Variants in ARHGAP32 observed in about 807,000 individuals in gnomAD.
ARHGAP32 encodes the protein Rho GTPase activating protein 32.
Under a neutral mutation model 186.5 loss-of-function variants are expected in ARHGAP32, and 51 were observed. The observed-to-expected ratio is 0.27, with a 90% CI of 0.22 to 0.35. The LOEUF (loss-of-function observed/expected upper bound fraction) is 0.35, where lower values mean the gene tolerates loss of function less well. Among genes scored for constraint, ARHGAP32 ranks in the 10% least tolerant of loss-of-function variants. The pLI is 1.00. For missense variants in ARHGAP32, 2,186 were observed against 2,623.5 expected (o/e 0.83, Z 3.64); for synonymous variants, 950 against 964.3 (o/e 0.99, Z 0.27).
chr11:128,985,946 A>AT (rs1945860654), intron 15 of ARHGAP32, 57 bp downstream of exon 15: 7 of 1,288,776 alleles, frequency 5.4e-6, no homozygotes, highest in Admixed American at 2.9e-5. Context: ...GGAAAAAAAA[A>AT]CGTTTACAGG....
At chr11:128,998,974 G>A (rs972433399) in intron 11 of ARHGAP32, among the ~76,000 whole-genome samples, 1 of 152,144 alleles carries the variant, frequency 6.6e-6, no homozygotes, top group Non-Finnish European at 1.5e-5. Flanking sequence ...TGCACAAATT[G>A]TTTGTAAAAC....
chr11:129,164,469 T>G, intron 1 of ARHGAP32, 42 bp from the exon 2 acceptor site: 1 of 1,182,898 alleles, frequency 8.5e-7, no homozygotes, highest in Non-Finnish European at 1.2e-6. Context: ...GAATTTCCAA[T>G]TCTATGAAAG....
intron 2 of ARHGAP32, among the ~76,000 whole-genome samples, chr11:129,159,587 A>G (rs1354000880): frequency 8.6e-5 from 13 of 151,968 alleles, no homozygotes; most frequent in Non-Finnish European, 1.5e-4. Flanking sequence ...TAGCCTACCT[A>G]CCAAAAAAAA....
At chr11:129,085,796 A>G (rs1309206880) in intron 6 of ARHGAP32, among the ~76,000 whole-genome samples, 2 of 152,066 alleles carry the variant, frequency 1.3e-5, no homozygotes, top group African/African-American at 4.8e-5. Context: ...GCTTGACACC[A>G]TCCTGGCTAA....
intron 5 of ARHGAP32, among the ~76,000 whole-genome samples, chr11:129,119,167 T>C (rs971040815): frequency 6.6e-5 from 10 of 152,094 alleles, no homozygotes; most frequent in East Asian, 1.9e-4. Flanking sequence ...ACATTAGCTG[T>C]CACCTAGTAT....
intron 1 of ARHGAP32, among the ~76,000 whole-genome samples, chr11:129,182,614 A>C (rs972067426): frequency 3.3e-5 from 5 of 151,882 alleles, no homozygotes. Flanking sequence ...TTATAAAAAA[A>C]AATTGTGTTA....
rs537808170 is a variant in ARHGAP32, at chr11:129,221,479, C to CTGTGTGTGTGTG, written c.-4-57064_-4-57053dup. The stretch of plus-strand genomic sequence containing the variant: ...GAAACAAGCTTTGTAATTGTCATTA[C>CTGTGTGTGTGTG]TGTGTGTGTGTGTGTGTGTGTGTGT... On this transcript the variant is annotated intron_variant, in intron 1 of 6. Transcript: ENST00000525234. Among the ~76,000 whole-genome samples the CTGTGTGTGTGTG allele has an allele frequency of 1.2e-3, 148 of 121,268 alleles. 1 individual carries two copies. The highest frequency in any genetic ancestry group is 1.9e-3 in the African/African-American group (59 of 30,732). 79.6% of individuals were successfully genotyped at this position (121,268 alleles called of 152,430 possible).
chr11:129,020,178 G>T (rs1938534971), intron 11 of ARHGAP32, among the ~76,000 whole-genome samples: 1 of 151,946 alleles, frequency 6.6e-6, no homozygotes, highest in South Asian at 2.1e-4. Flanking sequence ...AACGTCATTG[G>T]AGAACTTTGT....
At chr11:129,034,722 T>C (rs564308807) in intron 11 of ARHGAP32, among the ~76,000 whole-genome samples, 14 of 70,116 alleles carry the variant, frequency 2.0e-4, no homozygotes. Context: ...GTATCCAAAC[T>C]GAAAACAAAA....
intron 5 of ARHGAP32, among the ~76,000 whole-genome samples, chr11:129,105,493 C>T (rs1942023955): frequency 6.6e-6 from 1 of 152,050 alleles, no homozygotes; most frequent in African/African-American, 2.4e-5. Context: ...TTTTATTTTT[C>T]ACTCCTGGCA....
chr11:129,198,733 G>C (rs1944424447), intron 1 of ARHGAP32, among the ~76,000 whole-genome samples: 1 of 152,188 alleles, frequency 6.6e-6, no homozygotes. Context: ...GACTAATACA[G>C]TAAACTGGTA....
Position 129,062,330 on chromosome 11 carries a change from T to C in ARHGAP32, c.913A>G (p.Met305Val). ...EVGDIVSVID[M>V]PPKVLSTWWR... is the part of the protein sequence containing the mutation. ...CATGTGCTTAACACTTTCGGGGGCA[T>C]GTCAATAACAGAAACAATGTCTCCC... The change falls in exon 10 of 23, where the codon ATG becomes GTG. Residue 305 changes from methionine to valine, a missense_variant. This residue lies in a region of ARHGAP32 where 308 missense variants were observed against 596.5 expected (regional missense o/e 0.52). Coordinates refer to ENST00000682385, the MANE Select transcript of ARHGAP32 (RefSeq NM_001378024.1). 1 of 1,613,726 alleles carries C rather than the reference T, an allele frequency of 6.2e-7. No individual in the cohort carries two copies. Among genetic ancestry groups the C allele is most frequent in the Non-Finnish European group, 8.5e-7 (1 of 1,179,712 alleles).
At chr11:129,050,889 G>C (rs1265206363) in intron 10 of ARHGAP32, among the ~76,000 whole-genome samples, 2 of 152,202 alleles carry the variant, frequency 1.3e-5, no homozygotes, top group East Asian at 3.8e-4. Flanking sequence ...AGAACACGTG[G>C]TGTTTGGTTT....
intron 6 of ARHGAP32, among the ~76,000 whole-genome samples, chr11:129,080,463 G>C (rs2135217511): frequency 6.6e-6 from 1 of 152,160 alleles, no homozygotes; most frequent in East Asian, 1.9e-4. Flanking sequence ...TCAAAACTAT[G>C]CAAATACATG....
chr11:129,099,288 T>C (rs542033283), intron 5 of ARHGAP32, among the ~76,000 whole-genome samples: 1 of 152,306 alleles, frequency 6.6e-6, no homozygotes, highest in African/African-American at 2.4e-5. Context: ...AACCACATTC[T>C]TACTGTACCT....
chr11:129,194,000 AAGAT>A (rs1944357735), upstream of ARHGAP32, among the ~76,000 whole-genome samples: 1 of 151,682 alleles, frequency 6.6e-6, no homozygotes, highest in South Asian at 2.1e-4. Flanking sequence ...AGAAACTTAA[AAGAT>A]GTTAAAAGTA....
At chr11:129,257,655 A>G (rs1261191353) in intron 1 of ARHGAP32, among the ~76,000 whole-genome samples, 2 of 151,782 alleles carry the variant, frequency 1.3e-5, no homozygotes, top group African/African-American at 4.8e-5. Flanking sequence ...AAAACATTGA[A>G]TAAGTTTTCT....
intron 11 of ARHGAP32, chr11:129,024,118 C>A: frequency 1.0e-6 from 1 of 985,496 alleles, no homozygotes; most frequent in Admixed American, 6.1e-5. Context: ...GTCAGTGGAG[C>A]CCAGCAAGCC....
chr11:129,170,059 A>C (rs2135501179), intron 1 of ARHGAP32, among the ~76,000 whole-genome samples: 1 of 152,254 alleles, frequency 6.6e-6, no homozygotes, highest in African/African-American at 2.4e-5. Flanking sequence ...AATATACAAA[A>C]ACCCAGTAAT....
Sources: gnomAD v4.1 joint callset for allele counts (sites outside exome capture counted in the v4.1 genomes callset) on GRCh38, gnomAD v4.1.1 for gene constraint, gnomAD v4.1.1 regional missense constraint, MANE v1.5 for transcripts, NCBI Gene and HGNC (gene_info 2026-07-23, HGNC 2026-07-21) for gene names.